The following SOX5 variants were observed in gnomAD, a reference collection of about 807,000 sequenced individuals.
SOX5 encodes the protein SRY-box transcription factor 5, also known as transcription factor SOX-5.
A neutral mutation model predicts 92.0 loss-of-function variants in SOX5; 9 were observed. The observed-to-expected ratio is 0.10, with a 90% CI of 0.06 to 0.17. SOX5 has a LOEUF of 0.17. Ranked by LOEUF, SOX5 falls within the 10% of genes least tolerant of loss-of-function variation. SOX5 has a pLI of 1.00. For missense variants in SOX5, 642 were observed against 944.5 expected (o/e 0.68, Z 4.20); for synonymous variants, 344 against 336.3 (o/e 1.02, Z -0.25).
At chr12:23,634,911 A>G (rs903383596) in intron 8 of SOX5, among the ~76,000 whole-genome samples, 1 of 152,218 alleles carries the variant, frequency 6.6e-6, no homozygotes, top group East Asian at 1.9e-4. Context: ...TTGAAAATAC[A>G]TTGTTAAGAT....
chr12:24,063,273 T>C (rs975042167), intron 4 of SOX5, among the ~76,000 whole-genome samples: 1 of 152,196 alleles, frequency 6.6e-6, no homozygotes, highest in Non-Finnish European at 1.5e-5. Context: ...TAATCATAAT[T>C]TTATAACTAG....
chr12:24,267,167 A>G (rs554922970), intron 3 of SOX5, among the ~76,000 whole-genome samples: 1 of 152,206 alleles, frequency 6.6e-6, no homozygotes, highest in Non-Finnish European at 1.5e-5. Flanking sequence ...TCAAGGTTGC[A>G]GTGAGCCAAG....
intron 3 of SOX5, among the ~76,000 whole-genome samples, chr12:23,777,300 T>A (rs1418270023): frequency 1.3e-5 from 2 of 152,208 alleles, no homozygotes; most frequent in Non-Finnish European, 2.9e-5. Context: ...TTATCTCCCA[T>A]GTATGCTATA....
intron 2 of SOX5, among the ~76,000 whole-genome samples, chr12:24,344,606 C>T (rs565173270): frequency 2.6e-5 from 4 of 152,118 alleles, no homozygotes; most frequent in Admixed American, 6.6e-5. Flanking sequence ...ATTCAAATGA[C>T]TATCGTTCTC....
At chr12:23,740,805 C>T in intron 5 of SOX5, 62 bp downstream of exon 5, 1 of 1,385,164 alleles carries the variant, frequency 7.2e-7, no homozygotes. Context: ...AGGACAGTGA[C>T]CTATAAGTAG....
intron 3 of SOX5, among the ~76,000 whole-genome samples, chr12:23,766,090 A>G (rs1002997710): frequency 1.3e-5 from 2 of 152,182 alleles, no homozygotes; most frequent in East Asian, 1.9e-4. Context: ...TGAATAGTAA[A>G]TAAATGTGCA....
chr12:24,241,236 C>A (rs1359177884), intron 3 of SOX5, among the ~76,000 whole-genome samples: 1 of 152,100 alleles, frequency 6.6e-6, no homozygotes, highest in Non-Finnish European at 1.5e-5. Context: ...AAGATTTTTT[C>A]TTACTAGTTA....
At chr12:24,410,002 C>G (rs1005237064) in intron 1 of SOX5, among the ~76,000 whole-genome samples, 2 of 146,472 alleles carry the variant, frequency 1.4e-5, no homozygotes, top group African/African-American at 2.5e-5. Flanking sequence ...CACATAGCAA[C>G]TTTTTTTTTT....
In SOX5 at chr12:24,558,907, T is replaced by C. The variant is rs1954070525; in HGVS notation, c.-251+3422A>G. Among the ~76,000 whole-genome samples, 8 of 152,326 alleles carry C rather than the reference T, an allele frequency of 5.3e-5. No individual in the cohort carries two copies. The South Asian group carries it at 1.7e-3, about 32-fold the overall frequency. On this transcript the variant is annotated intron_variant, in intron 1 of 4. Transcript: ENST00000446891. ...ATAATTCTTTAATTCATTCATCAAA[T>C]TGAGGCATTTGGAACAGTTTATTTA... is the stretch of plus-strand genomic sequence containing the variant.
At chr12:23,544,021 T>A (rs1477871852) in intron 12 of SOX5, among the ~76,000 whole-genome samples, 1 of 152,238 alleles carries the variant, frequency 6.6e-6, no homozygotes, top group East Asian at 1.9e-4. Context: ...TATGTAAAAC[T>A]GGTATGGAAA....
At chr12:24,357,873 G>C (rs905844021) in intron 2 of SOX5, among the ~76,000 whole-genome samples, 2 of 150,214 alleles carry the variant, frequency 1.3e-5, no homozygotes, top group Admixed American at 6.7e-5. Context: ...AAAAAAGAAA[G>C]CCTATTGAAA....
rs192320457 is a variant in SOX5, at chr12:24,418,962, G to T, written c.-250-50323C>A. Among the ~76,000 whole-genome samples the T allele has an allele frequency of 7.2e-5, 11 of 152,232 alleles. No homozygotes were observed. The East Asian group carries it at 1.5e-3, about 21-fold the overall frequency. Reference sequence around the variant, plus strand: ...CATTCTCTGAAAAAATGGAGTAGTTGTCAGAGTTACCTAGATTGGCCCAGA... The same window carrying T: ...CATTCTCTGAAAAAATGGAGTAGTTTTCAGAGTTACCTAGATTGGCCCAGA... On this transcript the variant is annotated intron_variant, in intron 1 of 4. Coordinates refer to the SOX5 transcript ENST00000446891.
Position 24,005,843 on chromosome 12 carries a change from A to G in SOX5, c.-1-109819T>C, listed in dbSNP as rs1170084659. Reference sequence around the variant, plus strand: ...ATACAGAGAAGCTAAATATAGCAAAATGTGCATTTGTTCCACTAGCTATAC... The same window carrying G: ...ATACAGAGAAGCTAAATATAGCAAAGTGTGCATTTGTTCCACTAGCTATAC... On this transcript the variant is annotated intron_variant, in intron 4 of 4. Coordinates refer to the SOX5 transcript ENST00000446891. 3.3e-5 allele frequency among the ~76,000 whole-genome samples: 5 copies of G among 152,296 alleles called. No individual in the cohort carries two copies. The East Asian group carries it at 7.7e-4, about 23-fold the overall frequency.
intron 2 of SOX5, among the ~76,000 whole-genome samples, chr12:23,877,022 T>C (rs951340723): frequency 6.6e-6 from 1 of 151,954 alleles, no homozygotes; most frequent in African/African-American, 2.4e-5. Flanking sequence ...AGGGACAGCA[T>C]TTGGAGAAAT....
At chr12:24,056,845 G>T (rs1220303539) in intron 4 of SOX5, among the ~76,000 whole-genome samples, 1 of 148,394 alleles carries the variant, frequency 6.7e-6, no homozygotes, top group African/African-American at 2.5e-5. Flanking sequence ...CGTAGTGGCG[G>T]GCGCCTGTAG....
At chr12:23,623,790 A>G (rs2077446597) in intron 8 of SOX5, among the ~76,000 whole-genome samples, 1 of 152,168 alleles carries the variant, frequency 6.6e-6, no homozygotes, top group Non-Finnish European at 1.5e-5. Context: ...TCATAAAAAA[A>G]GAAACATACA....
chr12:24,320,013 T>C (rs896348317), intron 2 of SOX5, among the ~76,000 whole-genome samples: 2 of 152,252 alleles, frequency 1.3e-5, no homozygotes, highest in African/African-American at 4.8e-5. Flanking sequence ...TGTTTGTTTA[T>C]ATTTCTACTA....
intron 3 of SOX5, among the ~76,000 whole-genome samples, chr12:24,240,283 C>A (rs1965320047): frequency 6.6e-6 from 1 of 152,142 alleles, no homozygotes. Flanking sequence ...CAAATTAGGA[C>A]CTCTCTACTC....
rs550577946 is a variant in SOX5, at chr12:24,097,942, C to T, written c.-2+115401G>A. 6.8e-5 allele frequency among the ~76,000 whole-genome samples: 10 copies of T among 147,990 alleles called. No individual in the cohort carries two copies. In the South Asian group the frequency reaches 2.2e-3, roughly 32 times the overall value. ...CTTCACTTAATTATCCTCACTGTTA[C>T]AATTTTTTCAGAGAAGTTCTGAGAA... On this transcript the variant is annotated intron_variant, in intron 4 of 4. Coordinates refer to the SOX5 transcript ENST00000446891.
Sources: gnomAD v4.1 joint callset for allele counts (sites outside exome capture counted in the v4.1 genomes callset) on GRCh38, gnomAD v4.1.1 for gene constraint, MANE v1.5 for transcripts, NCBI Gene and HGNC (gene_info 2026-07-23, HGNC 2026-07-21) for gene names.